The following FLVCR2 variants were observed in gnomAD, a reference collection of about 807,000 sequenced individuals.
The protein encoded by FLVCR2 is choline/ethanolamine transporter FLVCR2.
A neutral mutation model predicts 48.9 loss-of-function variants in FLVCR2; 38 were observed. That is an observed-to-expected ratio of 0.78 (90% CI 0.60 to 1.02). The LOEUF (loss-of-function observed/expected upper bound fraction) is 1.02. FLVCR2 is among the 50% of genes least tolerant of loss of function. FLVCR2 has a pLI of 0.00. For missense variants in FLVCR2, 664 were observed against 663.3 expected (o/e 1.00, Z -0.01); for synonymous variants, 255 against 257.0 (o/e 0.99, Z 0.07).
At chr14:75,606,895 G>A (rs578200450) in intron 1 of FLVCR2, among the ~76,000 whole-genome samples, 1 of 151,716 alleles carries the variant, frequency 6.6e-6, no homozygotes, top group South Asian at 2.1e-4. Flanking sequence ...AGTGCGCCAA[G>A]ATCATGCCAC....
At chr14:75,635,049 A>T (rs79451870) in intron 5 of FLVCR2, 36 bp downstream of exon 5, 1 of 1,375,680 alleles carries the variant, frequency 7.3e-7, no homozygotes, top group Non-Finnish European at 1.0e-6. Context: ...AGAATTGGGG[A>T]CCTGTTTTTT....
chr14:75,627,757 T>C (rs1226667777), intron 3 of FLVCR2, among the ~76,000 whole-genome samples: 3 of 152,164 alleles, frequency 2.0e-5, no homozygotes, highest in African/African-American at 7.2e-5. Context: ...CTGCCTGCAG[T>C]GGGGATAACA....
At chr14:75,631,587 A>G (rs1890038050) in intron 3 of FLVCR2, 5 of 350,438 alleles carry the variant, frequency 1.4e-5, no homozygotes, top group Admixed American at 3.8e-5. Context: ...TCCTTGGCTC[A>G]TCCCAGTTAG....
intron 2 of FLVCR2, among the ~76,000 whole-genome samples, chr14:75,623,861 G>A (rs1364002792): frequency 6.6e-6 from 1 of 152,096 alleles, no homozygotes; most frequent in Non-Finnish European, 1.5e-5. Flanking sequence ...GACCAGCCTA[G>A]CCAAAATAGT....
intron 9 of FLVCR2, among the ~76,000 whole-genome samples, chr14:75,645,387 CACAG>C (rs548963261): frequency 5.3e-5 from 8 of 152,118 alleles, no homozygotes; most frequent in Non-Finnish European, 8.8e-5. Flanking sequence ...CCCTTGAGGT[CACAG>C]ACAAAGTACT....
chr14:75,608,470 G>T (rs770224259), intron 1 of FLVCR2, among the ~76,000 whole-genome samples: 1 of 152,154 alleles, frequency 6.6e-6, no homozygotes, highest in Non-Finnish European at 1.5e-5. Flanking sequence ...GCCTAAGATG[G>T]TTCCTCTCTT....
At chr14:75,621,862 G>A (rs1343848636) in intron 1 of FLVCR2, among the ~76,000 whole-genome samples, 1 of 152,130 alleles carries the variant, frequency 6.6e-6, no homozygotes, top group African/African-American at 2.4e-5. Flanking sequence ...TCTTATAATA[G>A]GCATTGATAG....
At chr14:75,639,538 A>G (rs1293088825) in intron 6 of FLVCR2, 76 bp downstream of exon 6, 1 of 1,004,710 alleles carries the variant, frequency 1.0e-6, no homozygotes, top group African/African-American at 1.6e-5. Context: ...CCTAGAATGC[A>G]ATATTGATGC....
In FLVCR2 at chr14:75,641,203, A is replaced by G. The variant is rs780045091; in HGVS notation, c.1363A>G (p.Ile455Val). 2.5e-6 allele frequency: 4 copies of G among 1,613,370 alleles called. No individual in the cohort carries two copies. The highest frequency in any genetic ancestry group is 3.4e-6 in the Non-Finnish European group (4 of 1,179,494). ...CCAGGTATTTGGGATCATCTTTACC[A>G]TCTCCCAGGGCCAGATTATTGACAA... ...SAQVFGIIFTISQGQIIDNYG... is the reference protein window; with the variant it reads ...SAQVFGIIFTVSQGQIIDNYG... Residue 455 changes from isoleucine to valine, a missense_variant, in exon 8 of 10, where the codon ATC becomes GTC. Physicochemically the swap from Ile to Val is conservative, Grantham distance 29. Transcript: ENST00000238667.
chr14:75,636,105 GC>G (rs1341874615), intron 5 of FLVCR2, among the ~76,000 whole-genome samples: 1 of 152,172 alleles, frequency 6.6e-6, no homozygotes, highest in East Asian at 1.9e-4. Flanking sequence ...GCACTGGCTG[GC>G]GGGGCAGCTG....
At chr14:75,620,456 T>C (rs1889734507) in intron 1 of FLVCR2, among the ~76,000 whole-genome samples, 1 of 152,230 alleles carries the variant, frequency 6.6e-6, no homozygotes, top group African/African-American at 2.4e-5. Flanking sequence ...GCCTTTGTTT[T>C]CTCCTGTAAT....
intron 5 of FLVCR2, among the ~76,000 whole-genome samples, chr14:75,638,004 G>A (rs1338971069): frequency 1.3e-5 from 2 of 152,162 alleles, no homozygotes; most frequent in East Asian, 3.9e-4. Context: ...ATCGACACAG[G>A]GAAATGTAAC....
At chr14:75,628,150 T>C (rs925183555) in intron 3 of FLVCR2, among the ~76,000 whole-genome samples, 2 of 152,186 alleles carry the variant, frequency 1.3e-5, no homozygotes, top group Non-Finnish European at 2.9e-5. Context: ...AGTCTTACTC[T>C]GTCGCCCAAG....
chr14:75,599,518 G>A (rs1889112961), intron 1 of FLVCR2, among the ~76,000 whole-genome samples: 1 of 152,192 alleles, frequency 6.6e-6, no homozygotes, highest in Admixed American at 6.5e-5. Context: ...ATGTTAAGAT[G>A]TCAAAACTAT....
intron 1 of FLVCR2, among the ~76,000 whole-genome samples, chr14:75,610,582 G>A (rs1357601169): frequency 1.3e-5 from 2 of 152,164 alleles, no homozygotes; most frequent in Non-Finnish European, 2.9e-5. Context: ...CAAAGATGAG[G>A]AGGAAACCCA....
chr14:75,602,619 A>G (rs1313382251), intron 1 of FLVCR2, among the ~76,000 whole-genome samples: 1 of 152,188 alleles, frequency 6.6e-6, no homozygotes, highest in Admixed American at 6.5e-5. Flanking sequence ...ATTATACCAC[A>G]GTTACCTGCA....
chr14:75,632,977 C>T, intron 3 of FLVCR2: 1 of 702,354 alleles, frequency 1.4e-6, no homozygotes, highest in South Asian at 1.5e-5. Context: ...CAGCTACTCA[C>T]TTGCTGTATG....
At position 75,624,654 on chromosome 14, in the gene FLVCR2, C is replaced by T; in HGVS notation, c.854C>T (p.Ser285Phe). 6.2e-7 allele frequency: 1 copy of T among 1,614,088 alleles called. No individual in the cohort carries two copies. The highest frequency in any genetic ancestry group is 8.5e-7 in the Non-Finnish European group (1 of 1,180,002). The change falls in exon 3 of 10, where the codon TCC becomes TTC. Residue 285 changes from serine (S) to phenylalanine (F), a missense_variant. By Grantham distance (155) the Ser-to-Phe change is radical. Coordinates refer to ENST00000238667, the MANE Select transcript of FLVCR2 (RefSeq NM_017791.3). ...KPKYPPSRAQSLSYALTSPDA... is the reference protein window; with the variant it reads ...KPKYPPSRAQFLSYALTSPDA... ...AAATATCCCCCCAGCAGGGCCCAAT[C>T]CCTGAGCTATGCCTTGACCTCTCCT... is the stretch of plus-strand genomic sequence containing the variant.
intron 5 of FLVCR2, among the ~76,000 whole-genome samples, chr14:75,637,743 AAAG>A (rs1215525307): frequency 3.3e-5 from 5 of 151,588 alleles, no homozygotes; most frequent in Non-Finnish European, 7.4e-5. Flanking sequence ...AAAAAAAAAA[AAAG>A]AAAGAAAAGA....
Sources: allele counts gnomAD v4.1 joint callset (sites outside exome capture counted in the v4.1 genomes callset), GRCh38; gene constraint gnomAD v4.1.1; transcripts MANE v1.5; gene names NCBI Gene and HGNC (gene_info 2026-07-23, HGNC 2026-07-21).